NXN: variants seen among roughly 807,000 people sequenced by gnomAD.
NXN encodes nucleoredoxin.
A neutral mutation model predicts 48.6 loss-of-function variants in NXN; 16 were observed. The ratio of observed to expected loss-of-function variants is 0.33; its 90% CI spans 0.22 to 0.50. The LOEUF (loss-of-function observed/expected upper bound fraction) is 0.50. NXN is among the 20% of genes least tolerant of loss of function. The pLI, the probability that NXN is intolerant of heterozygous loss-of-function variation, is 0.98. For missense variants in NXN, 492 were observed against 605.5 expected (o/e 0.81, Z 1.97); for synonymous variants, 281 against 269.6 (o/e 1.04, Z -0.41).
intron 1 of NXN, among the ~76,000 whole-genome samples, chr17:938,408 G>A (rs989528974): frequency 2.6e-4 from 40 of 152,338 alleles, no homozygotes; most frequent in Admixed American, 1.2e-3. Flanking sequence ...CCGGCCGGGC[G>A]CGGCGGCTCA....
intron 1 of NXN, among the ~76,000 whole-genome samples, chr17:884,976 A>G (rs1372150174): frequency 6.6e-6 from 1 of 152,210 alleles, no homozygotes; most frequent in Non-Finnish European, 1.5e-5. Flanking sequence ...AAATGAAAGA[A>G]GAATCTGGCC....
At chr17:859,424 C>G (rs1022986238) in intron 1 of NXN, among the ~76,000 whole-genome samples, 4 of 152,028 alleles carry the variant, frequency 2.6e-5, no homozygotes, top group African/African-American at 9.7e-5. Flanking sequence ...ATAAAAGCTC[C>G]TTAATGTCAA....
rs372380952 is a variant in NXN, at chr17:855,239, C to G, written c.361-29161G>C. ...GCTGCAGTGAGCTCTGATCACGCCA[C>G]TGCATTCCAGCTTGAGCTACAGAGC... On this transcript the variant is annotated intron_variant, in intron 1 of 7. Transcript: ENST00000336868. Among the ~76,000 whole-genome samples, 8 of 152,320 alleles carry G rather than the reference C, an allele frequency of 5.3e-5. 2 individuals are homozygous for G. Among genetic ancestry groups the G allele is most frequent in the African/African-American group, 1.9e-4 (8 of 41,572 alleles).
chr17:978,002 G>A lies in NXN; in HGVS notation c.360+1317C>T, dbSNP rs1006440255. ...AACTGTATTTCATACTTTAAATCTC[G>A]AATCTCTACCTCCCACTGCTTCGGG... is the stretch of plus-strand genomic sequence containing the variant. On this transcript the variant is annotated intron_variant, in intron 1 of 7. Transcript: ENST00000336868. This position sits in a 1 kb window ranked among gnomAD's most constrained non-coding sequence, Gnocchi z 4.1. 1.3e-5 allele frequency among the ~76,000 whole-genome samples: 2 copies of A among 152,092 alleles called. No individual in the cohort carries two copies. The highest frequency in any genetic ancestry group is 6.5e-5 in the Admixed American group (1 of 15,272).
At chr17:820,077 A>G (rs2467250) in intron 4 of NXN, among the ~76,000 whole-genome samples, 105,917 of 151,784 alleles carry the variant, frequency 0.7, 38,384 homozygotes, top group African/African-American at 0.9. Context: ...GGGGTTTATG[A>G]GCGGAGACCG....
At chr17:834,609 C>T (rs1000282584) in intron 1 of NXN, among the ~76,000 whole-genome samples, 4 of 151,886 alleles carry the variant, frequency 2.6e-5, no homozygotes, top group African/African-American at 9.7e-5. Flanking sequence ...GAGATTCAAA[C>T]CTCCTGACCT....
At chr17:948,527 G>C (rs1027004917) in intron 1 of NXN, among the ~76,000 whole-genome samples, 1 of 152,060 alleles carries the variant, frequency 6.6e-6, no homozygotes, top group Non-Finnish European at 1.5e-5. Flanking sequence ...CTGTGGAACT[G>C]TACAGGGCCC....
rs565234675 is a variant in NXN at position 971,960 on chromosome 17, G to A, written c.360+7359C>T. ...GCGGGTGGATCACCTGAGGTCAGGAGTTCAAGACCAGCCTGGCCAACATGG... is the reference window on the plus strand; with the variant it reads ...GCGGGTGGATCACCTGAGGTCAGGAATTCAAGACCAGCCTGGCCAACATGG... On this transcript the variant is annotated intron_variant, in intron 1 of 7. Coordinates refer to ENST00000336868, the MANE Select transcript of NXN (RefSeq NM_022463.5). 1.2e-4 allele frequency among the ~76,000 whole-genome samples: 19 copies of A among 152,242 alleles called. No individual in the cohort carries two copies. In the South Asian group the frequency reaches 3.9e-3, roughly 32 times the overall value.
chr17:810,633 T>C (rs1055306727), intron 5 of NXN, among the ~76,000 whole-genome samples: 1 of 152,188 alleles, frequency 6.6e-6, no homozygotes, highest in East Asian at 1.9e-4. Flanking sequence ...CTCACACCTG[T>C]AATCCTGGCA....
At chr17:805,358 G>A (rs966256125) in intron 5 of NXN, 111 bp from the exon 6 acceptor site, 20 of 1,154,136 alleles carry the variant, frequency 1.7e-5, no homozygotes, top group Middle Eastern at 2.9e-4. Flanking sequence ...GGAGCCCACC[G>A]AGGACCTGGT....
chr17:862,835 A>G (rs1004004371), intron 1 of NXN, among the ~76,000 whole-genome samples: 1 of 152,218 alleles, frequency 6.6e-6, no homozygotes, highest in African/African-American at 2.4e-5. Context: ...TCACGAGGGA[A>G]CCATTTGACA....
Position 825,613 on chromosome 17 carries a change from T to C in NXN, c.478+348A>G, listed in dbSNP as rs1913057947. On this transcript the variant is annotated intron_variant, in intron 2 of 7. Coordinates refer to ENST00000336868, the MANE Select transcript of NXN (RefSeq NM_022463.5). This position sits in a 1 kb window ranked among gnomAD's most constrained non-coding sequence, Gnocchi z 4.1. ...AAACCCCACTCAGCCTGCCTCTAAC[T>C]GTGAAGGGGGCAGCCGCCACGGATG... The C allele has an allele frequency of 9.5e-6, 2 of 210,036 alleles. No homozygotes were observed. Among genetic ancestry groups the C allele is most frequent in the African/African-American group, 4.7e-5 (2 of 42,774 alleles). 13.0% of individuals were successfully genotyped at this position (210,036 alleles called of 1,614,324 possible).
chr17:979,334 C>G lies in NXN; in HGVS notation c.345G>C (p.Lys115Asn). 6.6e-7 allele frequency: 1 copy of G among 1,520,312 alleles called. No individual in the cohort carries two copies. 94.2% of individuals were successfully genotyped at this position (1,520,312 alleles called of 1,614,324 possible). A position where few individuals can be genotyped will look rare whatever the true frequency, so the allele number is the denominator to read the frequency against. The change falls in exon 1 of 8, where the codon AAG becomes AAC. Residue 115 changes from lysine to asparagine, a missense_variant. Physicochemically the swap from Lys to Asn is moderately conservative, Grantham distance 94. Around this residue, in one of 3 missense-constraint regions of NXN, gnomAD observed 186 missense variants for 199.1 expected, o/e 0.93. Transcript: ENST00000336868. ...CGCCGCTCACCTTCCTGTGCTTCTC[C>G]TTGTAGGGCAGCGCCAGCCACGGCA... ...RDMPWLALPY[K>N]EKHRKLKLWN...
intron 1 of NXN, among the ~76,000 whole-genome samples, chr17:937,447 T>C (rs2068919707): frequency 6.6e-6 from 1 of 151,990 alleles, no homozygotes. Flanking sequence ...CGGTGATCCG[T>C]ACACAGTGAG....
chr17:853,405 G>A (rs562928827), intron 1 of NXN, among the ~76,000 whole-genome samples: 29 of 151,990 alleles, frequency 1.9e-4, no homozygotes, highest in African/African-American at 5.8e-4. Context: ...CCGAGATCAC[G>A]CCACTGCCTT....
Position 807,109 on chromosome 17 carries a change from G to C in NXN, c.821-1862C>G, listed in dbSNP as rs967121984. On this transcript the variant is annotated intron_variant, in intron 5 of 7. Coordinates refer to ENST00000336868, the MANE Select transcript of NXN (RefSeq NM_022463.5). ...TTTATCCCCTGAGGCCGGGGTCCAT[G>C]CCCGCTGTGTCCATCCATGAGGCTC... 1.3e-5 allele frequency among the ~76,000 whole-genome samples: 2 copies of C among 152,166 alleles called. 1 individual carries two copies. Among genetic ancestry groups the C allele is most frequent in the Non-Finnish European group, 2.9e-5 (2 of 68,024 alleles).
intron 3 of NXN, among the ~76,000 whole-genome samples, chr17:823,400 GAAAA>G (rs60674309): frequency 7.0e-6 from 1 of 142,498 alleles, no homozygotes; most frequent in East Asian, 2.0e-4. Flanking sequence ...CTCTGGCTCA[GAAAA>G]AAAAAAAAGA....
chr17:900,891 T>C (rs934485615), intron 1 of NXN, among the ~76,000 whole-genome samples: 1 of 151,276 alleles, frequency 6.6e-6, no homozygotes, highest in Non-Finnish European at 1.5e-5. Context: ...GTGTGGACTT[T>C]ATGAAAAGAT....
At chr17:812,154 C>G (rs932681897) in intron 5 of NXN, among the ~76,000 whole-genome samples, 1 of 151,210 alleles carries the variant, frequency 6.6e-6, no homozygotes, top group African/African-American at 2.4e-5. Context: ...GTCTCGATCT[C>G]CTGACCTCGT....
Sources: allele counts gnomAD v4.1 joint callset (sites outside exome capture counted in the v4.1 genomes callset), GRCh38; gene constraint gnomAD v4.1.1; regional missense constraint gnomAD v4.1.1; non-coding constraint Gnocchi (gnomAD v3.1); transcripts MANE v1.5; gene names NCBI Gene and HGNC (gene_info 2026-07-23, HGNC 2026-07-21).